The following KHDRBS2 variants were observed in gnomAD, a reference collection of about 807,000 sequenced individuals.
KHDRBS2 encodes KH RNA binding domain containing, signal transduction associated 2, also known as KH domain-containing, RNA-binding, signal transduction-associated protein 2.
Under a neutral mutation model 44.3 loss-of-function variants are expected in KHDRBS2, and 26 were observed. That is an observed-to-expected ratio of 0.59 (90% confidence interval 0.43 to 0.81). The LOEUF is 0.81. Ranked by LOEUF, KHDRBS2 falls within the 40% of genes least tolerant of loss-of-function variation. The pLI is 0.00. For missense variants in KHDRBS2, 476 were observed against 433.1 expected, an observed-to-expected ratio of 1.10 and a Z score of -0.88; for synonymous variants, 194 against 151.1, an observed-to-expected ratio of 1.28 and a Z score of -2.08.
chr6:61,544,965 G>A, the KHDRBS2 span, among the ~76,000 whole-genome samples: 3 of 151,956 alleles, frequency 2.0e-5, no homozygotes, highest in Non-Finnish European at 4.4e-5. Flanking sequence ...AGCATTAGGA[G>A]ATATACCTAA....
intron 3 of KHDRBS2, among the ~76,000 whole-genome samples, chr6:61,993,018 A>T (rs1776426993): frequency 6.6e-6 from 1 of 152,168 alleles, no homozygotes; most frequent in South Asian, 2.1e-4. Context: ...GTTGCTTACC[A>T]GGAAACTGAT....
chr6:62,036,294 A>AT, intron 3 of KHDRBS2, among the ~76,000 whole-genome samples: 1 of 152,146 alleles, frequency 6.6e-6, no homozygotes, highest in Non-Finnish European at 1.5e-5. Flanking sequence ...AGGCCATATT[A>AT]TAATGAACCA....
At chr6:62,197,601 C>T (rs1825966537) in intron 1 of KHDRBS2, among the ~76,000 whole-genome samples, 1 of 151,940 alleles carries the variant, frequency 6.6e-6, no homozygotes, top group Non-Finnish European at 1.5e-5. Flanking sequence ...AACATGAAAT[C>T]CCTCTAGTGT....
intron 6 of KHDRBS2, among the ~76,000 whole-genome samples, chr6:61,808,296 T>G (rs1743454): frequency 0.28 from 42,916 of 151,892 alleles, 6,264 homozygotes; most frequent in South Asian, 0.36. Context: ...CCACTAGAGA[T>G]ATGTAGAAAT....
chr6:62,016,732 T>C (rs1453013435), intron 3 of KHDRBS2, among the ~76,000 whole-genome samples: 2 of 151,800 alleles, frequency 1.3e-5, no homozygotes, highest in Non-Finnish European at 2.9e-5. Context: ...CAATTAGCAA[T>C]GTGTACAGAC....
At chr6:62,245,921 A>C (rs1387459587) in intron 1 of KHDRBS2, among the ~76,000 whole-genome samples, 5 of 151,880 alleles carry the variant, frequency 3.3e-5, no homozygotes, top group Non-Finnish European at 7.4e-5. Flanking sequence ...TTTGAATACA[A>C]GAATGGGCAG....
the KHDRBS2 span, among the ~76,000 whole-genome samples, chr6:61,643,811 C>T: frequency 2.9e-4 from 44 of 152,218 alleles, no homozygotes; most frequent in East Asian, 1.2e-3. Flanking sequence ...AGAAATGACA[C>T]AAACAAATGA....
chr6:62,238,806 A>G (rs1041432443), intron 1 of KHDRBS2, among the ~76,000 whole-genome samples: 1 of 152,104 alleles, frequency 6.6e-6, no homozygotes, highest in African/African-American at 2.4e-5. Context: ...AAATTGATAT[A>G]TCTGTACCAT....
the KHDRBS2 span, among the ~76,000 whole-genome samples, chr6:61,543,002 T>A: frequency 6.6e-6 from 1 of 152,000 alleles, no homozygotes; most frequent in South Asian, 2.1e-4. Flanking sequence ...CTCAAGGCTA[T>A]GAAACTCCTA....
At chr6:61,938,299 T>G (rs1177470044) in intron 4 of KHDRBS2, among the ~76,000 whole-genome samples, 1 of 152,114 alleles carries the variant, frequency 6.6e-6, no homozygotes, top group African/African-American at 2.4e-5. Flanking sequence ...ATGGAATAGT[T>G]AGAAATCTTA....
At chr6:62,187,026 C>T (rs1428605931) in intron 1 of KHDRBS2, among the ~76,000 whole-genome samples, 3 of 152,048 alleles carry the variant, frequency 2.0e-5, no homozygotes, top group Admixed American at 2.0e-4. Context: ...AATCATATTA[C>T]ATAAGAAAAG....
chr6:61,601,467 G>T, the KHDRBS2 span, among the ~76,000 whole-genome samples: 1 of 152,058 alleles, frequency 6.6e-6, no homozygotes, highest in Non-Finnish European at 1.5e-5. Context: ...ACTTGACAGT[G>T]GTTCCAAATA....
chr6:61,716,100 T>A (rs1255333187), intron 7 of KHDRBS2, among the ~76,000 whole-genome samples: 1 of 151,876 alleles, frequency 6.6e-6, no homozygotes, highest in East Asian at 1.9e-4. Context: ...TGAGGCTAAG[T>A]CATAAAAAGT....
chr6:61,579,734 A>T, the KHDRBS2 span, among the ~76,000 whole-genome samples: 1 of 152,154 alleles, frequency 6.6e-6, no homozygotes, highest in African/African-American at 2.4e-5. Flanking sequence ...ATCTTCTATT[A>T]ATCCCCTAAG....
At chr6:62,011,475 C>T (rs1301516747) in intron 3 of KHDRBS2, among the ~76,000 whole-genome samples, 3 of 152,074 alleles carry the variant, frequency 2.0e-5, no homozygotes, top group South Asian at 2.1e-4. Context: ...GCCTAAATAA[C>T]ATGATTTGTG....
the KHDRBS2 span, among the ~76,000 whole-genome samples, chr6:61,657,247 A>T: frequency 6.6e-6 from 1 of 152,038 alleles, no homozygotes; most frequent in Non-Finnish European, 1.5e-5. Flanking sequence ...GCATTGTAAG[A>T]TGCCCTCGAC....
intron 4 of KHDRBS2, among the ~76,000 whole-genome samples, chr6:61,959,290 T>C (rs1768113854): frequency 6.6e-6 from 1 of 152,132 alleles, no homozygotes; most frequent in Non-Finnish European, 1.5e-5. Flanking sequence ...CACAAGTAAA[T>C]CAAGTCTGGT....
At chr6:61,725,232 G>A (rs1773367982) in intron 7 of KHDRBS2, among the ~76,000 whole-genome samples, 1 of 151,988 alleles carries the variant, frequency 6.6e-6, no homozygotes, top group Admixed American at 6.6e-5. Context: ...AAATTAAGAA[G>A]TTTTTTGAAA....
At chr6:61,944,280 G>A (rs528286063) in intron 4 of KHDRBS2, among the ~76,000 whole-genome samples, 16 of 151,926 alleles carry the variant, frequency 1.1e-4, no homozygotes, top group Non-Finnish European at 1.5e-4. Context: ...GTGAACAGAC[G>A]GATAAAGAAA....
Sources: gnomAD v4.1 joint callset for allele counts (sites outside exome capture counted in the v4.1 genomes callset) on GRCh38, gnomAD v4.1.1 for gene constraint, MANE v1.5 for transcripts, NCBI Gene and HGNC (gene_info 2026-07-23, HGNC 2026-07-21) for gene names.